Variants in SEZ6 observed in about 807,000 individuals in gnomAD.
SEZ6 encodes the protein seizure protein 6 homolog.
A neutral mutation model predicts 101.0 loss-of-function variants in SEZ6; 53 were observed. The observed-to-expected ratio is 0.52, with a 90% CI of 0.42 to 0.66. SEZ6 has a LOEUF of 0.66. Ranked by LOEUF, SEZ6 falls within the 30% of genes least tolerant of loss-of-function variation. The pLI is 0.00. For missense variants in SEZ6, 1,102 were observed against 1,289.4 expected (o/e 0.85, Z 2.23); for synonymous variants, 488 against 512.2 (o/e 0.95, Z 0.64).
At chr17:28,971,608 A>G (rs1402105873) in intron 3 of SEZ6, among the ~76,000 whole-genome samples, 2 of 152,184 alleles carry the variant, frequency 1.3e-5, no homozygotes, top group African/African-American at 2.4e-5. Flanking sequence ...CAAAAAAAAA[A>G]AGGAAATACA....
rs575734913 is a variant in SEZ6, at chr17:28,959,780, G to A, written c.1689C>T (p.Tyr563=). 593 of 1,613,836 alleles carry A rather than the reference G, an allele frequency of 3.7e-4. 9 individuals carry two copies. In the South Asian group the frequency reaches 6.4e-3, roughly 17 times the overall value. Reference sequence around the variant, plus strand: ...TGATGATGGAGCCCTGCTCCAGGGTGTAGCCAGGGTCGCAGCTGAACTCCA... The same window carrying A: ...TGATGATGGAGCCCTGCTCCAGGGTATAGCCAGGGTCGCAGCTGAACTCCA... The part of the protein sequence containing the change: ...TTVEFSCDPG[Y]TLEQGSIIIE... Residue 563 remains tyrosine (Y), a synonymous_variant, in exon 8 of 17, where the codon TAC becomes TAT. Transcript: ENST00000317338. The surrounding 1 kb of genome is among the most constrained non-coding windows in gnomAD (Gnocchi z 4.4).
intron 1 of SEZ6, among the ~76,000 whole-genome samples, chr17:29,001,361 A>C (rs540793981): frequency 2.6e-5 from 4 of 152,316 alleles, no homozygotes; most frequent in African/African-American, 9.6e-5. Context: ...AGCATCAAGC[A>C]ACCAGGGACT....
intron 4 of SEZ6, among the ~76,000 whole-genome samples, chr17:28,969,513 C>T (rs557275707): frequency 6.6e-6 from 1 of 152,210 alleles, no homozygotes; most frequent in African/African-American, 2.4e-5. Context: ...CACCTAGAGG[C>T]TACCTGATCC....
At chr17:28,977,898 G>C (rs1410985964) in intron 3 of SEZ6, among the ~76,000 whole-genome samples, 1 of 152,206 alleles carries the variant, frequency 6.6e-6, no homozygotes, top group Non-Finnish European at 1.5e-5. Flanking sequence ...CTAATGGCTT[G>C]AGGCGGGGTG....
chr17:29,004,941 C>T (rs1357747575), intron 1 of SEZ6, among the ~76,000 whole-genome samples: 1 of 152,172 alleles, frequency 6.6e-6, no homozygotes. Flanking sequence ...AGTTGGGGAC[C>T]AGACTCCTAG....
In SEZ6 at chr17:28,969,821, C is replaced by T. The variant is rs750840907; in HGVS notation, c.990G>A (p.Ala330=). Reference sequence around the variant, plus strand: ...GCGGGAGGCTCTGGAACCTCAGGGCCGCTTGGTGGGTGGGGCTGCGGATGA... The same window carrying T: ...GCGGGAGGCTCTGGAACCTCAGGGCTGCTTGGTGGGTGGGGCTGCGGATGA... ...GQVIRSPTHQ[A]ALRFQSLPPP... is the part of the protein sequence containing the mutation. The change falls in exon 4 of 17, where the codon GCG becomes GCA. Residue 330 remains alanine, a synonymous_variant. Coordinates refer to ENST00000317338, the MANE Select transcript of SEZ6 (RefSeq NM_178860.5). 1.6e-5 allele frequency: 24 copies of T among 1,525,988 alleles called. No individual in the cohort carries two copies. The highest frequency in any genetic ancestry group is 7.7e-5 in the Admixed American group (3 of 38,922). The allele number at this position is 1,525,988 out of a possible 1,614,324, so 94.5% of individuals were successfully genotyped here. A position where few individuals can be genotyped will look rare whatever the true frequency, so the allele number is the denominator to read the frequency against.
chr17:28,992,952 G>A (rs946333897), intron 1 of SEZ6, among the ~76,000 whole-genome samples: 3 of 152,126 alleles, frequency 2.0e-5, no homozygotes, highest in African/African-American at 7.2e-5. Flanking sequence ...TTTGCCTGCT[G>A]GCCCTGGGGA....
At chr17:28,982,284 G>A (rs965431362) in intron 1 of SEZ6, among the ~76,000 whole-genome samples, 4 of 152,136 alleles carry the variant, frequency 2.6e-5, no homozygotes, top group African/African-American at 9.7e-5. Context: ...TAGCCCATCC[G>A]TGCACTATTT....
intron 1 of SEZ6, among the ~76,000 whole-genome samples, chr17:28,986,306 C>T (rs1236704174): frequency 1.3e-5 from 2 of 152,246 alleles, no homozygotes; most frequent in East Asian, 1.9e-4. Flanking sequence ...TCCTCCCAAC[C>T]CCAGCCTGGG....
At chr17:28,982,846 G>A (rs1257030880) in intron 1 of SEZ6, among the ~76,000 whole-genome samples, 1 of 151,920 alleles carries the variant, frequency 6.6e-6, no homozygotes, top group Non-Finnish European at 1.5e-5. Context: ...CTAATTTTTA[G>A]AATTTTTGTA....
intron 1 of SEZ6, among the ~76,000 whole-genome samples, chr17:28,996,048 T>G (rs2041532853): frequency 6.6e-6 from 1 of 151,596 alleles, no homozygotes; most frequent in South Asian, 2.1e-4. Context: ...TTGCTCAGGC[T>G]GGAGTGCAGT....
At chr17:28,979,301 C>G (rs567299718) in intron 3 of SEZ6, among the ~76,000 whole-genome samples, 3 of 152,172 alleles carry the variant, frequency 2.0e-5, no homozygotes, top group African/African-American at 7.2e-5. Flanking sequence ...CAGCACAGAA[C>G]CTGACCCAGA....
chr17:28,963,878 A>G (rs536894035), intron 5 of SEZ6, 84 bp downstream of exon 5: 98 of 1,495,528 alleles, frequency 6.6e-5, no homozygotes, highest in South Asian at 4.6e-4. Flanking sequence ...AGCAAATGAA[A>G]GTGGCAGAGA....
intron 1 of SEZ6, among the ~76,000 whole-genome samples, chr17:28,991,457 C>T (rs572409135): frequency 5.3e-5 from 8 of 152,082 alleles, no homozygotes; most frequent in East Asian, 1.9e-4. Flanking sequence ...CGGCCTGCCT[C>T]GGCCTCCCAA....
At chr17:28,987,639 C>T (rs2041401705) in intron 1 of SEZ6, among the ~76,000 whole-genome samples, 2 of 152,280 alleles carry the variant, frequency 1.3e-5, no homozygotes, top group East Asian at 1.9e-4. Flanking sequence ...AGAATGGACA[C>T]ATTCTGTCTC....
rs118031983 is a variant in SEZ6 at position 29,001,292 on chromosome 17, A to T, written c.55+4523T>A. On this transcript the variant is annotated intron_variant, in intron 1 of 16. Transcript: ENST00000317338. Reference sequence around the variant, plus strand: ...AGGAATTCTAGAGCTTCCCCAAGACATAGTGGGTGAACAAAACAGACTTGG... The same window carrying T: ...AGGAATTCTAGAGCTTCCCCAAGACTTAGTGGGTGAACAAAACAGACTTGG... Among the ~76,000 whole-genome samples the T allele has an allele frequency of 2.6e-5, 4 of 152,278 alleles. No homozygotes were observed. The East Asian group carries it at 7.7e-4, about 29-fold the overall frequency.
At chr17:28,956,809 C>G (rs976673684) in intron 13 of SEZ6, 52 bp from the exon 14 acceptor site, 34 of 1,543,588 alleles carry the variant, frequency 2.2e-5, no homozygotes, top group Non-Finnish European at 2.8e-5. Context: ...ATGGGCCAAA[C>G]CACTAAGGCA....
intron 3 of SEZ6, among the ~76,000 whole-genome samples, chr17:28,976,285 C>T (rs1313651478): frequency 6.6e-6 from 1 of 152,182 alleles, no homozygotes; most frequent in African/African-American, 2.4e-5. Flanking sequence ...ACCCCTGAGG[C>T]TGGTCCTCCA....
chr17:28,999,527 T>C (rs1022055923), intron 1 of SEZ6, among the ~76,000 whole-genome samples: 7 of 152,146 alleles, frequency 4.6e-5, no homozygotes, highest in Non-Finnish European at 4.4e-5. Flanking sequence ...TGTGGATTGT[T>C]GTTGGAGAAG....
Sources: gnomAD v4.1 joint callset for allele counts (sites outside exome capture counted in the v4.1 genomes callset) on GRCh38, gnomAD v4.1.1 for gene constraint, Gnocchi (gnomAD v3.1) non-coding constraint, MANE v1.5 for transcripts, NCBI Gene and HGNC (gene_info 2026-07-23, HGNC 2026-07-21) for gene names.